The following VCAN variants were observed in gnomAD, a reference collection of about 807,000 sequenced individuals.
The protein encoded by VCAN is versican, also known as versican core protein.
VCAN carries 44 observed loss-of-function variants against 245.5 expected under a neutral mutation model. The ratio of observed to expected loss-of-function variants is 0.18; its 90% CI spans 0.14 to 0.23. VCAN has a LOEUF of 0.23. Ranked by LOEUF, VCAN falls within the 10% of genes least tolerant of loss-of-function variation. The pLI is 1.00. For synonymous variants in VCAN, 1,413 were observed against 1,437.0 expected, an observed-to-expected ratio of 0.98 and a Z score of 0.38; for missense variants, 3,793 against 4,057.9, an observed-to-expected ratio of 0.93 and a Z score of 1.77.
Position 83,520,050 on chromosome 5 carries a change from G to T in VCAN, c.1744G>T (p.Val582Leu). ...IFDQIPEVIT[V>L]SKTSEDTIHT... Reference sequence around the variant, plus strand: ...TGACCAAATTCCTGAAGTCATTACGGTGTCAAAGACTTCAGAAGACACCAT... The same window carrying T: ...TGACCAAATTCCTGAAGTCATTACGTTGTCAAAGACTTCAGAAGACACCAT... The change falls in exon 7 of 15, where the codon GTG (valine) becomes TTG (leucine). Residue 582 changes from valine (V) to leucine (L), a missense_variant. Val to Leu is a conservative substitution (Grantham distance 32, BLOSUM62 1). Coordinates refer to ENST00000265077, the MANE Select transcript of VCAN (RefSeq NM_004385.5). The T allele has an allele frequency of 1.9e-6, 3 of 1,614,062 alleles. No homozygotes were observed. The highest frequency in any genetic ancestry group is 2.5e-6 in the Non-Finnish European group (3 of 1,179,964).
chr5:83,490,852 A>G (rs1348649809), intron 3 of VCAN, among the ~76,000 whole-genome samples: 1 of 152,236 alleles, frequency 6.6e-6, no homozygotes, highest in African/African-American at 2.4e-5. Flanking sequence ...ACATGTACAT[A>G]CATATACACA....
chr5:83,479,363 C>T (rs1706631104), intron 1 of VCAN, among the ~76,000 whole-genome samples: 1 of 152,030 alleles, frequency 6.6e-6, no homozygotes, highest in Non-Finnish European at 1.5e-5. Flanking sequence ...GCTGCCCATC[C>T]CTGGTGTGTC....
intron 9 of VCAN, among the ~76,000 whole-genome samples, chr5:83,545,899 G>A (rs1747197303): frequency 6.6e-6 from 1 of 152,022 alleles, no homozygotes; most frequent in African/African-American, 2.4e-5. Flanking sequence ...TTTACAGGTA[G>A]AATTTACAAA....
At chr5:83,536,069 G>A (rs942396683) in intron 7 of VCAN, 6 of 152,134 alleles carry the variant, frequency 3.9e-5, no homozygotes, top group Non-Finnish European at 8.8e-5. Context: ...TAGCAGAAAA[G>A]GCCATTGAGC....
intron 12 of VCAN, among the ~76,000 whole-genome samples, chr5:83,560,251 A>G (rs1331373543): frequency 6.6e-6 from 1 of 152,146 alleles, no homozygotes; most frequent in Admixed American, 6.6e-5. Context: ...ACTTTAAGAA[A>G]CCAACAATTA....
In VCAN at chr5:83,490,373, A is replaced by T; in HGVS notation, c.346A>T (p.Thr116Ser). ...CGAGGCTGTGGGCGATGCCTCCCTCACTGTGGTCAAGCTGCTGGCAAGTGA... is the reference window on the plus strand; with the variant it reads ...CGAGGCTGTGGGCGATGCCTCCCTCTCTGTGGTCAAGCTGCTGGCAAGTGA... ...HPEAVGDASL[T>S]VVKLLASDAG... Residue 116 changes from threonine to serine, a missense_variant, in exon 3 of 15, where the codon ACT (threonine) becomes TCT (serine). Around this residue, in one of 5 missense-constraint regions of VCAN, gnomAD observed 179 missense variants for 169.7 expected, o/e 1.05. Coordinates refer to ENST00000265077, the MANE Select transcript of VCAN (RefSeq NM_004385.5). 6.2e-7 allele frequency: 1 copy of T among 1,614,176 alleles called. No homozygotes were observed. Among genetic ancestry groups the T allele is most frequent in the Non-Finnish European group, 8.5e-7 (1 of 1,180,036 alleles).
chr5:83,477,099 T>C (rs1744417763), intron 1 of VCAN, among the ~76,000 whole-genome samples: 1 of 152,146 alleles, frequency 6.6e-6, no homozygotes, highest in Non-Finnish European at 1.5e-5. Flanking sequence ...CAAGCAAAGA[T>C]ATTACTTTTG....
At chr5:83,534,137 T>C (rs1746620155) in intron 7 of VCAN, 1 of 152,054 alleles carries the variant, frequency 6.6e-6, no homozygotes. Context: ...CACCCCACTT[T>C]TTTTAGAGCC....
At chr5:83,499,941 C>T (rs1368677511) in intron 5 of VCAN, among the ~76,000 whole-genome samples, 2 of 152,120 alleles carry the variant, frequency 1.3e-5, no homozygotes, top group African/African-American at 2.4e-5. Flanking sequence ...TTTAGATAAA[C>T]ATCATCAAGT....
chr5:83,489,659 T>A (rs1213062896), intron 2 of VCAN, among the ~76,000 whole-genome samples: 1 of 152,218 alleles, frequency 6.6e-6, no homozygotes, highest in Non-Finnish European at 1.5e-5. Flanking sequence ...AATGTGGCAG[T>A]TATTGTAACA....
rs1747026191 is a variant in VCAN, at chr5:83,542,079, A to G, written c.9076A>G (p.Ile3026Val). 1 of 1,613,792 alleles carries G rather than the reference A, an allele frequency of 6.2e-7. No homozygotes were observed. Among genetic ancestry groups the G allele is most frequent in the Non-Finnish European group, 8.5e-7 (1 of 1,179,700 alleles). Residue 3026 changes from isoleucine (I) to valine (V), a missense_variant, in exon 8 of 15, where the codon ATA (isoleucine) becomes GTA (valine). Coordinates refer to ENST00000265077, the MANE Select transcript of VCAN (RefSeq NM_004385.5). ...AALIRGQDST[I>V]AASEQQVAAR... The stretch of plus-strand genomic sequence containing the variant: ...TTTAATCAGAGGGCAGGATTCCACG[A>G]TAGCAGCATCAGAACAGCAAGTGGC...
chr5:83,521,744 T>A lies in VCAN; in HGVS notation c.3438T>A (p.Ser1146Arg). The part of the protein sequence containing the change: ...PEQKYETEGS[S>R]TTGFTSSLSP... The stretch of plus-strand genomic sequence containing the variant: ...AAAAATATGAAACAGAAGGTAGTAG[T>A]ACAACAGGATTTACATCATCTTTGA... The change falls in exon 7 of 15, where the codon AGT becomes AGA. Residue 1146 changes from serine (S) to arginine (R), a missense_variant. Coordinates refer to ENST00000265077, the MANE Select transcript of VCAN (RefSeq NM_004385.5). 1 of 1,614,128 alleles carries A rather than the reference T, an allele frequency of 6.2e-7. No homozygotes were observed. The highest frequency in any genetic ancestry group is 8.5e-7 in the Non-Finnish European group (1 of 1,180,016).
At chr5:83,504,799 T>C (rs1029962820) in intron 5 of VCAN, among the ~76,000 whole-genome samples, 3 of 152,194 alleles carry the variant, frequency 2.0e-5, no homozygotes, top group African/African-American at 4.8e-5. Context: ...TCCATTTTCA[T>C]GCTGCTGATA....
chr5:83,543,418 A>G (rs1374192616), intron 8 of VCAN, among the ~76,000 whole-genome samples: 1 of 152,198 alleles, frequency 6.6e-6, no homozygotes, highest in Non-Finnish European at 1.5e-5. Flanking sequence ...TGCCATGACT[A>G]TCGTTAAAAT....
In VCAN at chr5:83,538,107, C is replaced by T. The variant is rs556388775; in HGVS notation, c.5104C>T (p.Pro1702Ser). The change falls in exon 8 of 15, where the codon CCT becomes TCT. Residue 1702 changes from proline to serine, a missense_variant. Physicochemically the swap from Pro to Ser is moderately conservative, Grantham distance 74 (BLOSUM62 -1). Transcript: ENST00000265077. ...TGAACAACCTTCTGCAAAAGTGGTG[C>T]CTACCAAGTTTGTAAGTGAAACAGA... ...VSEQPSAKVV[P>S]TKFVSETDTS... is the part of the protein sequence containing the mutation. 5 of 1,613,982 alleles carry T rather than the reference C, an allele frequency of 3.1e-6. No homozygotes were observed. Among genetic ancestry groups the T allele is most frequent in the East Asian group, 2.2e-5 (1 of 44,854 alleles).
At chr5:83,549,037 T>G (rs2112462760) in intron 10 of VCAN, among the ~76,000 whole-genome samples, 1 of 152,302 alleles carries the variant, frequency 6.6e-6, no homozygotes, top group Non-Finnish European at 1.5e-5. Context: ...ATCTGTTTGT[T>G]TTAGATTTTG....
intron 7 of VCAN, among the ~76,000 whole-genome samples, chr5:83,535,428 G>A (rs1378687851): frequency 6.6e-6 from 1 of 152,054 alleles, no homozygotes; most frequent in African/African-American, 2.4e-5. Context: ...GAATAAAAGG[G>A]ATAAATGTAT....
chr5:83,477,614 A>C (rs1311103057), intron 1 of VCAN, among the ~76,000 whole-genome samples: 1 of 152,248 alleles, frequency 6.6e-6, no homozygotes, highest in African/African-American at 2.4e-5. Flanking sequence ...CATAAAACCC[A>C]GTGCCATTCT....
At chr5:83,490,607 C>A in intron 3 of VCAN, 135 bp downstream of exon 3, 2 of 1,321,346 alleles carry the variant, frequency 1.5e-6, no homozygotes, top group Non-Finnish European at 2.1e-6. Context: ...CAGTAGTCCA[C>A]GTCTTTCACC....
Sources: gnomAD v4.1 joint callset for allele counts (sites outside exome capture counted in the v4.1 genomes callset) on GRCh38, gnomAD v4.1.1 for gene constraint, gnomAD v4.1.1 regional missense constraint, MANE v1.5 for transcripts, NCBI Gene and HGNC (gene_info 2026-07-23, HGNC 2026-07-21) for gene names.